Variants in PTPN4 observed in about 807,000 individuals in gnomAD.
The protein encoded by PTPN4 is protein tyrosine phosphatase non-receptor type 4.
In PTPN4, 49 loss-of-function variants were observed where a neutral mutation model predicts 135.5. The observed-to-expected ratio is 0.36, with a 90% CI of 0.29 to 0.46. The LOEUF is 0.46. Among genes scored for constraint, PTPN4 ranks in the 20% least tolerant of loss-of-function variants. PTPN4 has a pLI of 1.00. For synonymous variants in PTPN4, 333 were observed against 369.9 expected (o/e 0.90, Z 1.14); for missense variants, 860 against 1,101.0 (o/e 0.78, Z 3.10).
chr2:119,778,917 C>T (rs1690887369), intron 1 of PTPN4, among the ~76,000 whole-genome samples: 2 of 151,700 alleles, frequency 1.3e-5, no homozygotes, highest in African/African-American at 4.8e-5. Flanking sequence ...ACCAGGAATA[C>T]TTTGTTGTCG....
At chr2:119,812,839 T>TG (rs750019327) in intron 2 of PTPN4, among the ~76,000 whole-genome samples, 34 of 152,368 alleles carry the variant, frequency 2.2e-4, no homozygotes, top group Admixed American at 1.2e-3. Flanking sequence ...CATGGATTGA[T>TG]GTCTTCAATC....
chr2:119,796,855 T>G (rs1253281616), intron 1 of PTPN4, among the ~76,000 whole-genome samples: 1 of 95,598 alleles, frequency 1.0e-5, no homozygotes, highest in Non-Finnish European at 2.0e-5. Context: ...GCATTGTCAC[T>G]GTTTTTGTGT....
At chr2:119,826,066 T>G (rs1294540542) in intron 2 of PTPN4, among the ~76,000 whole-genome samples, 5 of 152,226 alleles carry the variant, frequency 3.3e-5, no homozygotes, top group East Asian at 1.9e-4. Context: ...AGGTCTGTGT[T>G]GGGACCCAGG....
At position 119,904,082 on chromosome 2, in the gene PTPN4, C is replaced by T. The variant is rs143580130; in HGVS notation, c.764+3276C>T. 5.9e-5 allele frequency among the ~76,000 whole-genome samples: 9 copies of T among 152,022 alleles called. No homozygotes were observed. In the East Asian group the frequency reaches 1.2e-3, roughly 20 times the overall value. ...GTTACACCAGATGTGCAGATATCAACGTATAAGGACAGAAGAAATAAATGC... is the reference window on the plus strand; with the variant it reads ...GTTACACCAGATGTGCAGATATCAATGTATAAGGACAGAAGAAATAAATGC... On this transcript the variant is annotated intron_variant, in intron 10 of 26. Coordinates refer to ENST00000263708, the MANE Select transcript of PTPN4 (RefSeq NM_002830.4).
At chr2:119,931,787 A>T (rs918104005) in intron 13 of PTPN4, among the ~76,000 whole-genome samples, 1 of 151,994 alleles carries the variant, frequency 6.6e-6, no homozygotes, top group Non-Finnish European at 1.5e-5. Context: ...TATCATTAGG[A>T]TAGCTGATAA....
chr2:119,946,220 G>T, intron 16 of PTPN4, 121 bp from the exon 17 acceptor site: 1 of 769,776 alleles, frequency 1.3e-6, no homozygotes, highest in Non-Finnish European at 2.0e-6. Flanking sequence ...ATTTTTATTA[G>T]AATTATGATT....
At chr2:119,847,187 AATAT>A (rs1172138377) in intron 2 of PTPN4, among the ~76,000 whole-genome samples, 1 of 146,832 alleles carries the variant, frequency 6.8e-6, no homozygotes, top group East Asian at 1.9e-4. Context: ...CATATAAAAA[AATAT>A]ATAGAGTATA....
At chr2:119,959,835 T>TG (rs903912324) in intron 22 of PTPN4, among the ~76,000 whole-genome samples, 36 of 152,108 alleles carry the variant, frequency 2.4e-4, no homozygotes, top group African/African-American at 8.2e-4. Context: ...GAGCACAGGT[T>TG]GGGGCAAGTT....
intron 2 of PTPN4, among the ~76,000 whole-genome samples, chr2:119,858,030 A>G (rs979737787): frequency 1.3e-5 from 2 of 152,172 alleles, no homozygotes; most frequent in South Asian, 2.1e-4. Flanking sequence ...GGGACCTCCC[A>G]CACTGGCTCT....
intron 1 of PTPN4, among the ~76,000 whole-genome samples, chr2:119,801,603 A>G (rs184529037): frequency 6.6e-6 from 1 of 152,232 alleles, no homozygotes; most frequent in Admixed American, 6.5e-5. Context: ...TTTTTAGCAT[A>G]GAAGTTCTCT....
In PTPN4 at chr2:119,956,875, T is replaced by C; in HGVS notation, c.2012T>C (p.Met671Thr). 6.2e-7 allele frequency: 1 copy of C among 1,604,408 alleles called. No homozygotes were observed. Among genetic ancestry groups the C allele is most frequent in the Non-Finnish European group, 8.5e-7 (1 of 1,177,684 alleles). ...TATCGGAAAAAACCTGGAATGACAA[T>C]GTCCTGTGCCAAATTACCTCAGAAT... is the stretch of plus-strand genomic sequence containing the variant. ...QLYRKKPGMT[M>T]SCAKLPQNIS... The change falls in exon 21 of 27, where the codon ATG becomes ACG. Residue 671 changes from methionine to threonine, a missense_variant. Coordinates refer to ENST00000263708, the MANE Select transcript of PTPN4 (RefSeq NM_002830.4).
intron 2 of PTPN4, among the ~76,000 whole-genome samples, chr2:119,828,744 T>C (rs1677180253): frequency 6.6e-6 from 1 of 152,224 alleles, no homozygotes; most frequent in African/African-American, 2.4e-5. Flanking sequence ...TAGAATTTCA[T>C]TGTGGTTTTA....
intron 1 of PTPN4, among the ~76,000 whole-genome samples, chr2:119,793,865 T>G (rs1228609869): frequency 7.2e-6 from 1 of 138,382 alleles, no homozygotes; most frequent in Non-Finnish European, 1.6e-5. Flanking sequence ...TTTTTTTTTT[T>G]TTTTTTTTTT....
intron 15 of PTPN4, among the ~76,000 whole-genome samples, chr2:119,943,574 T>A (rs960033125): frequency 8.2e-6 from 1 of 122,136 alleles, no homozygotes; most frequent in East Asian, 2.4e-4. Context: ...GCTGTTTCAT[T>A]TTTTTCTTTT....
intron 1 of PTPN4, among the ~76,000 whole-genome samples, chr2:119,766,478 G>C (rs564766578): frequency 0.024 from 2,913 of 119,636 alleles, 36 homozygotes; most frequent in African/African-American, 0.049. Context: ...GTGTGTGTGT[G>C]TGTGTCTGTG....
rs185862511 is a variant in PTPN4 at position 119,938,389 on chromosome 2, A to G, written c.1355+3431A>G. 7.4e-3 allele frequency among the ~76,000 whole-genome samples: 1,120 copies of G among 152,010 alleles called. 13 individuals carry two copies. The highest frequency in any genetic ancestry group is 0.026 in the African/African-American group (1,058 of 41,468). ...TGATCCACCCACCTCGGCCTCCCAA[A>G]GTGCTGGGATTACAGGCATGAGCCA... On this transcript the variant is annotated intron_variant, in intron 15 of 26. Coordinates refer to ENST00000263708, the MANE Select transcript of PTPN4 (RefSeq NM_002830.4).
At chr2:119,894,687 A>C (rs1177798012) in intron 9 of PTPN4, among the ~76,000 whole-genome samples, 1 of 152,186 alleles carries the variant, frequency 6.6e-6, no homozygotes, top group Admixed American at 6.5e-5. Context: ...TGTTACAGAA[A>C]ATTTTTTAAT....
intron 23 of PTPN4, 40 bp from the exon 24 acceptor site, chr2:119,962,576 G>A: frequency 9.0e-6 from 10 of 1,105,184 alleles, no homozygotes; most frequent in Non-Finnish European, 1.2e-5. Context: ...GAATCCATAT[G>A]TATATAATTT....
intron 14 of PTPN4, among the ~76,000 whole-genome samples, chr2:119,933,559 CAG>C (rs1434805914): frequency 2.0e-5 from 3 of 150,138 alleles, no homozygotes; most frequent in Non-Finnish European, 4.4e-5. Flanking sequence ...GTGCACCTGT[CAG>C]GGGGGTGGGG....
Sources: gnomAD v4.1 joint callset for allele counts (sites outside exome capture counted in the v4.1 genomes callset) on GRCh38, gnomAD v4.1.1 for gene constraint, MANE v1.5 for transcripts, NCBI Gene and HGNC (gene_info 2026-07-23, HGNC 2026-07-21) for gene names.